Variants in CSMD3 observed in about 807,000 individuals in gnomAD.
The protein encoded by CSMD3 is CUB and Sushi multiple domains 3.
A neutral mutation model predicts 435.2 loss-of-function variants in CSMD3; 177 were observed. The observed-to-expected ratio is 0.41, with a 90% confidence interval of 0.36 to 0.46. The LOEUF (loss-of-function observed/expected upper bound fraction) is 0.46, where lower values mean the gene tolerates loss of function less well. CSMD3 is among the 20% of genes least tolerant of loss of function. The pLI, the probability that CSMD3 is intolerant of heterozygous loss-of-function variation, is 0.34. For synonymous variants in CSMD3, 1,656 were observed against 1,520.5 expected (o/e 1.09, Z -2.07); for missense variants, 4,265 against 4,504.6 (o/e 0.95, Z 1.52).
At chr8:113,064,208 G>T (rs907585344) in intron 5 of CSMD3, among the ~76,000 whole-genome samples, 1 of 151,664 alleles carries the variant, frequency 6.6e-6, no homozygotes, top group African/African-American at 2.4e-5. Flanking sequence ...TGAACCATTT[G>T]CTTTGTGTTT....
chr8:112,419,906 C>T (rs1465811474), intron 32 of CSMD3, among the ~76,000 whole-genome samples: 1 of 152,030 alleles, frequency 6.6e-6, no homozygotes, highest in African/African-American at 2.4e-5. Context: ...ATAAGCGATT[C>T]CATTGTATGT....
At chr8:112,414,112 G>T (rs768448476) in intron 32 of CSMD3, among the ~76,000 whole-genome samples, 6 of 152,046 alleles carry the variant, frequency 3.9e-5, no homozygotes, top group South Asian at 2.1e-4. Context: ...ACTTTTTCTT[G>T]CTATATTTGA....
chr8:112,353,029 C>A (rs1826273415), intron 38 of CSMD3, among the ~76,000 whole-genome samples: 1 of 151,958 alleles, frequency 6.6e-6, no homozygotes, highest in Non-Finnish European at 1.5e-5. Context: ...TGATGTACTT[C>A]TTATTATATG....
intron 5 of CSMD3, among the ~76,000 whole-genome samples, chr8:113,073,367 A>G (rs933150468): frequency 4.0e-5 from 6 of 151,790 alleles, no homozygotes; most frequent in Non-Finnish European, 8.8e-5. Context: ...TCTTTGATAA[A>G]AAGAGTAGGT....
intron 1 of CSMD3, among the ~76,000 whole-genome samples, chr8:113,425,799 A>T (rs1712744975): frequency 6.6e-6 from 1 of 151,574 alleles, no homozygotes; most frequent in African/African-American, 2.4e-5. Flanking sequence ...GCCTGTCAGC[A>T]TTTCTATTAC....
intron 18 of CSMD3, among the ~76,000 whole-genome samples, chr8:112,653,233 T>A (rs562127655): frequency 0.1 from 15,294 of 152,268 alleles, 881 homozygotes; most frequent in Middle Eastern, 0.29. Context: ...AGAGCTTGTT[T>A]TTTTAAAAAG....
intron 1 of CSMD3, among the ~76,000 whole-genome samples, chr8:113,360,731 G>T (rs1289036122): frequency 6.6e-6 from 1 of 151,516 alleles, no homozygotes. Flanking sequence ...CCGCTACCAC[G>T]CCCGGCTAAT....
intron 31 of CSMD3, among the ~76,000 whole-genome samples, chr8:112,483,004 G>C (rs1020751088): frequency 1.3e-5 from 2 of 152,066 alleles, no homozygotes; most frequent in African/African-American, 4.8e-5. Context: ...TATCTCTGGA[G>C]CCTAGCATAG....
At chr8:113,376,567 A>C in intron 1 of CSMD3, 1 of 666,950 alleles carries the variant, frequency 1.5e-6, no homozygotes. Flanking sequence ...GTCCAAAATA[A>C]ACTAATATAT....
At chr8:112,797,442 T>C (rs2078855735) in intron 13 of CSMD3, among the ~76,000 whole-genome samples, 1 of 151,916 alleles carries the variant, frequency 6.6e-6, no homozygotes, top group African/African-American at 2.4e-5. Context: ...TAAAACACAA[T>C]TTAGGAATAA....
chr8:113,174,601 C>G (rs1375588186), intron 3 of CSMD3, among the ~76,000 whole-genome samples: 1 of 151,830 alleles, frequency 6.6e-6, no homozygotes, highest in African/African-American at 2.4e-5. Flanking sequence ...ATGCTGAAAA[C>G]TAAACAAGTA....
chr8:112,270,339 GGTGAGTGTGTGTGT>G (rs1289058456), intron 59 of CSMD3, among the ~76,000 whole-genome samples: 2 of 96,268 alleles, frequency 2.1e-5, no homozygotes, highest in African/African-American at 6.7e-5. Context: ...AAAACAGAGG[GGTGAGTGTGTGTGT>G]GTGTGTGTGT....
rs1351879185 is a variant in CSMD3 at position 112,682,502 on chromosome 8, T to A, written c.2617A>T (p.Ile873Phe). 1 of 1,613,656 alleles carries A rather than the reference T, an allele frequency of 6.2e-7. No individual in the cohort carries two copies. The highest frequency in any genetic ancestry group is 1.1e-5 in the South Asian group (1 of 91,068). Reference sequence around the variant, plus strand: ...TTTCCATCCATAAGAATACATGTAATTGTTTCTGTTCCCTGGGTTTTAATA... The same window carrying A: ...TTTCCATCCATAAGAATACATGTAAATGTTTCTGTTCCCTGGGTTTTAATA... ...GFIKTQGTET[I>F]TCILMDGKVM... The change falls in exon 16 of 71, where the codon ATT (isoleucine) becomes TTT (phenylalanine). Residue 873 changes from isoleucine to phenylalanine, a missense_variant. Transcript: ENST00000297405.
chr8:113,404,122 G>A (rs1310644123), intron 1 of CSMD3, among the ~76,000 whole-genome samples: 3 of 151,380 alleles, frequency 2.0e-5, no homozygotes, highest in Non-Finnish European at 3.0e-5. Flanking sequence ...ATGTAAAAAA[G>A]TGGGCTTAGA....
intron 8 of CSMD3, among the ~76,000 whole-genome samples, chr8:112,950,497 T>C (rs1179118879): frequency 6.6e-6 from 1 of 152,158 alleles, no homozygotes; most frequent in Middle Eastern, 3.4e-3. Flanking sequence ...TACATTTCAC[T>C]GTCATTTTGT....
intron 13 of CSMD3, among the ~76,000 whole-genome samples, chr8:112,748,548 G>C (rs1240793942): frequency 1.3e-5 from 2 of 151,864 alleles, no homozygotes; most frequent in African/African-American, 4.8e-5. Context: ...GTGCTCTTTA[G>C]TTCTTATTAT....
chr8:113,134,333 C>T (rs1000621193), intron 4 of CSMD3, among the ~76,000 whole-genome samples: 6 of 151,902 alleles, frequency 3.9e-5, no homozygotes, highest in South Asian at 4.1e-4. Flanking sequence ...ATTTAAAAGG[C>T]TATGTACCTT....
chr8:113,037,246 G>T (rs1211013642), intron 5 of CSMD3, among the ~76,000 whole-genome samples: 3 of 152,070 alleles, frequency 2.0e-5, no homozygotes, highest in African/African-American at 7.2e-5. Flanking sequence ...TAATCTGGCA[G>T]TTTAAGTACT....
At chr8:113,245,522 T>A (rs1016164800) in intron 3 of CSMD3, among the ~76,000 whole-genome samples, 1 of 152,072 alleles carries the variant, frequency 6.6e-6, no homozygotes, top group Admixed American at 6.6e-5. Context: ...TAAAAAACTT[T>A]AATATATGCC....
Sources: gnomAD v4.1 joint callset for allele counts (sites outside exome capture counted in the v4.1 genomes callset) on GRCh38, gnomAD v4.1.1 for gene constraint, MANE v1.5 for transcripts, NCBI Gene and HGNC (gene_info 2026-07-23, HGNC 2026-07-21) for gene names.